The following RGPD3 variants were observed in gnomAD, a reference collection of about 807,000 sequenced individuals.
RGPD3 encodes the protein RANBP2 like and GRIP domain containing 3, also known as ranBP2-like and GRIP domain-containing protein 3.
In RGPD3, 62 loss-of-function variants were observed where a neutral mutation model predicts 154.5. The observed-to-expected ratio is 0.40, with a 90% CI of 0.33 to 0.50. The LOEUF (loss-of-function observed/expected upper bound fraction) is 0.50. Among genes scored for constraint, RGPD3 ranks in the 20% least tolerant of loss-of-function variants. The pLI, the probability that RGPD3 is intolerant of heterozygous loss-of-function variation, is 0.59. For synonymous variants in RGPD3, 308 were observed against 607.0 expected (o/e 0.51, Z 7.24); for missense variants, 919 against 1,716.8 (o/e 0.54, Z 8.21).
In RGPD3 at chr2:106,468,341, G is replaced by A. The variant is rs576812338; in HGVS notation, c.-53C>T. 2.5e-5 allele frequency: 39 copies of A among 1,564,238 alleles called. 1 individual carries two copies. The highest frequency in any genetic ancestry group is 4.6e-4 in the Middle Eastern group (2 of 4,372). ...CGTGAGACCAGCGCTCAGCCCCGCA[G>A]CAGTCGCCAATTCCAAGAGGAAAGC... On this transcript the variant is annotated 5_prime_UTR_variant, in exon 1 of 23. Coordinates refer to ENST00000409886, the MANE Select transcript of RGPD3 (RefSeq NM_001144013.2).
At chr2:106,405,372 GT>G in intron 22 of RGPD3, 143 bp from the exon 23 acceptor site, 2 of 875,606 alleles carry the variant, frequency 2.3e-6, no homozygotes, top group Non-Finnish European at 3.2e-6. Context: ...GGTGGGGGGG[GT>G]TCTTTTTTTT....
At chr2:106,449,081 G>A (rs930674692) in intron 6 of RGPD3, among the ~76,000 whole-genome samples, 20 of 151,598 alleles carry the variant, frequency 1.3e-4, no homozygotes, top group South Asian at 2.1e-4. Flanking sequence ...TCTATTAAGC[G>A]AGACATTAAA....
At chr2:106,444,748 G>A (rs1163545438) in intron 7 of RGPD3, among the ~76,000 whole-genome samples, 1 of 150,958 alleles carries the variant, frequency 6.6e-6, no homozygotes, top group Non-Finnish European at 1.5e-5. Flanking sequence ...AGGATCACTT[G>A]AGCCCAGGAG....
chr2:106,424,136 A>G lies in RGPD3; in HGVS notation c.3831T>C (p.Pro1277=), dbSNP rs1553459111. 1.9e-6 allele frequency: 3 copies of G among 1,604,074 alleles called. No homozygotes were observed. The African/African-American group carries it at 4.0e-5, about 22-fold the overall frequency. Residue 1277 remains proline, a synonymous_variant, in exon 20 of 23, where the codon CCT becomes CCC. Transcript: ENST00000409886. ...CAAAGTGGAAAAGATTTTTTCTCAC[A>G]GGGCTACTTGCCAATGGAGAAGCAT... ...SVHASPLASS[P]VRKNLFHFDE...
At chr2:106,411,669 A>G (rs188334960) in intron 22 of RGPD3, among the ~76,000 whole-genome samples, 1,583 of 151,862 alleles carry the variant, frequency 0.01, 32 homozygotes, top group African/African-American at 0.036. Context: ...TCTACTAAAA[A>G]TAGAAAAATT....
chr2:106,442,493 C>A (rs1677779109), intron 7 of RGPD3, among the ~76,000 whole-genome samples: 1 of 66,400 alleles, frequency 1.5e-5, no homozygotes, highest in Non-Finnish European at 3.1e-5. Flanking sequence ...ATGCAATAAC[C>A]TATGAAAAAA....
chr2:106,425,395 C>G (rs1484315852), intron 19 of RGPD3, 129 bp from the exon 20 acceptor site: 3 of 1,270,100 alleles, frequency 2.4e-6, no homozygotes, highest in Non-Finnish European at 1.1e-6. Context: ...ATGATGATAA[C>G]ATTTATTGAG....
chr2:106,445,225 C>A (rs2104493166), intron 7 of RGPD3, among the ~76,000 whole-genome samples: 2 of 145,142 alleles, frequency 1.4e-5, no homozygotes, highest in Middle Eastern at 7.0e-3. Flanking sequence ...GGAGGCGGAG[C>A]TTGCAGTGAG....
rs1334343855 is a variant in RGPD3, at chr2:106,436,326, C to G, written c.1635-80G>C. ...TACATACATATATGTTAATGGGTCA[C>G]ATGACAAATTAAATCTTCACACGAG... On this transcript the variant is annotated intron_variant, in intron 11 of 22. Coordinates refer to ENST00000409886, the MANE Select transcript of RGPD3 (RefSeq NM_001144013.2). 11 of 1,610,518 alleles carry G rather than the reference C, an allele frequency of 6.8e-6. No individual in the cohort carries two copies. The African/African-American group carries it at 1.3e-4, about 20-fold the overall frequency.
At chr2:106,469,506 G>A (rs944035428), upstream of RGPD3, among the ~76,000 whole-genome samples, 10 of 152,152 alleles carry the variant, frequency 6.6e-5, no homozygotes, top group Admixed American at 2.0e-4. Context: ...TGAAGACATA[G>A]ACATTATCAA....
At chr2:106,465,684 G>C (rs1479742332) in intron 1 of RGPD3, among the ~76,000 whole-genome samples, 1 of 151,424 alleles carries the variant, frequency 6.6e-6, no homozygotes, top group African/African-American at 2.4e-5. Context: ...TGTGGAAAAG[G>C]TTAAAAATTG....
intron 22 of RGPD3, among the ~76,000 whole-genome samples, chr2:106,410,178 CA>C (rs1234687747): frequency 6.6e-6 from 1 of 152,006 alleles, no homozygotes; most frequent in Non-Finnish European, 1.5e-5. Flanking sequence ...CCAGGCCTTA[CA>C]TTCTCTCTCT....
At chr2:106,438,206 A>G (rs1475935425) in intron 9 of RGPD3, among the ~76,000 whole-genome samples, 1 of 152,038 alleles carries the variant, frequency 6.6e-6, no homozygotes, top group East Asian at 1.9e-4. Flanking sequence ...GGGATTACAG[A>G]TATGAGCCAC....
intron 9 of RGPD3, among the ~76,000 whole-genome samples, chr2:106,438,450 T>C (rs1410647609): frequency 6.7e-6 from 1 of 149,308 alleles, no homozygotes; most frequent in Non-Finnish European, 1.5e-5. Context: ...ATCACGCCAC[T>C]ACACTCCAGC....
intron 22 of RGPD3, among the ~76,000 whole-genome samples, chr2:106,407,474 C>A (rs529892184): frequency 2.4e-4 from 36 of 151,790 alleles, no homozygotes; most frequent in African/African-American, 8.2e-4. Context: ...TAGGGATGGA[C>A]AACTTGGCAC....
intron 1 of RGPD3, among the ~76,000 whole-genome samples, chr2:106,466,369 G>A (rs1678590570): frequency 6.7e-6 from 1 of 148,822 alleles, no homozygotes; most frequent in South Asian, 2.1e-4. Context: ...CCGCCGCCGG[G>A]CCGGGTCCAG....
chr2:106,415,674 C>CAAAAAAAAAAAAAAAA (rs879163469), intron 21 of RGPD3, among the ~76,000 whole-genome samples, 176 bp downstream of exon 21: 2 of 44,754 alleles, frequency 4.5e-5, no homozygotes, highest in African/African-American at 2.1e-4. Context: ...AAGACTGTCT[C>CAAAAAAAAAAAAAAAA]AAAAAAAAAA....
chr2:106,468,741 G>A (rs1238891496), upstream of RGPD3, among the ~76,000 whole-genome samples: 1 of 149,598 alleles, frequency 6.7e-6, no homozygotes, highest in Non-Finnish European at 1.5e-5. Context: ...AGGAGGTGGA[G>A]GTTGCAGTAC....
intron 1 of RGPD3, among the ~76,000 whole-genome samples, chr2:106,466,004 G>A (rs887924907): frequency 6.6e-6 from 1 of 151,960 alleles, no homozygotes; most frequent in Non-Finnish European, 1.5e-5. Context: ...AAGGAGGTAT[G>A]ACCTCCGCCG....
Sources: gnomAD v4.1 joint callset for allele counts (sites outside exome capture counted in the v4.1 genomes callset) on GRCh38, gnomAD v4.1.1 for gene constraint, MANE v1.5 for transcripts, NCBI Gene and HGNC (gene_info 2026-07-23, HGNC 2026-07-21) for gene names.